HHAT: variants seen among roughly 807,000 people sequenced by gnomAD.
The protein encoded by HHAT is protein-cysteine N-palmitoyltransferase HHAT.
A neutral mutation model predicts 70.8 loss-of-function variants in HHAT; 47 were observed. That is an observed-to-expected ratio of 0.66 (90% CI 0.53 to 0.85). The LOEUF (loss-of-function observed/expected upper bound fraction) is 0.85. Among genes scored for constraint, HHAT ranks in the 40% least tolerant of loss-of-function variants. The pLI is 0.00. For missense variants in HHAT, 609 were observed against 604.8 expected (o/e 1.01, Z -0.07); for synonymous variants, 228 against 247.6 (o/e 0.92, Z 0.74).
At chr1:210,630,602 A>T (rs1670670607) in intron 11 of HHAT, among the ~76,000 whole-genome samples, 1 of 152,170 alleles carries the variant, frequency 6.6e-6, no homozygotes, top group South Asian at 2.1e-4. Flanking sequence ...ATTCTTTGGT[A>T]ACAGCCCCCT....
intron 8 of HHAT, among the ~76,000 whole-genome samples, chr1:210,506,453 G>A (rs2094856017): frequency 6.6e-6 from 1 of 152,180 alleles, no homozygotes; most frequent in South Asian, 2.1e-4. Context: ...TTGATGTGCA[G>A]ACAGCAAAAC....
intron 9 of HHAT, among the ~76,000 whole-genome samples, chr1:210,559,785 C>T (rs575870813): frequency 6.6e-6 from 1 of 151,740 alleles, no homozygotes; most frequent in African/African-American, 2.4e-5. Flanking sequence ...TTTTGACCAT[C>T]CAGTCATTGA....
At chr1:210,386,235 T>TTTTTC (rs779554462) in intron 3 of HHAT, among the ~76,000 whole-genome samples, 10,968 of 91,946 alleles carry the variant, frequency 0.12, 1,055 homozygotes, top group East Asian at 0.24. Flanking sequence ...TTTTTCTTTT[T>TTTTTC]TTTTTTTTTT....
chr1:210,657,620 C>G (rs562100584), intron 11 of HHAT, among the ~76,000 whole-genome samples: 4 of 152,230 alleles, frequency 2.6e-5, no homozygotes, highest in Non-Finnish European at 5.9e-5. Flanking sequence ...CCAACAACTG[C>G]TCTAGGAAAA....
intron 1 of HHAT, among the ~76,000 whole-genome samples, chr1:210,342,188 T>C (rs1221895146): frequency 6.6e-6 from 1 of 152,136 alleles, no homozygotes; most frequent in Non-Finnish European, 1.5e-5. Context: ...ATCATCAACC[T>C]CCCTGCCTCT....
chr1:210,480,643 C>T (rs2094381550), intron 8 of HHAT, among the ~76,000 whole-genome samples: 2 of 152,206 alleles, frequency 1.3e-5, no homozygotes, highest in African/African-American at 4.8e-5. Context: ...TGCTGTCTTG[C>T]ACTTTCCATC....
chr1:210,338,884 A>G (rs891128353), intron 1 of HHAT, among the ~76,000 whole-genome samples: 1 of 152,100 alleles, frequency 6.6e-6, no homozygotes, highest in Non-Finnish European at 1.5e-5. Context: ...TCAAGGAAAA[A>G]CACAACAATC....
At chr1:210,473,484 G>A (rs981000778) in intron 8 of HHAT, among the ~76,000 whole-genome samples, 2 of 152,042 alleles carry the variant, frequency 1.3e-5, no homozygotes, top group Non-Finnish European at 2.9e-5. Context: ...TTACAGCACC[G>A]AGGGGGACGG....
At chr1:210,506,712 A>G (rs2094861180) in intron 8 of HHAT, among the ~76,000 whole-genome samples, 1 of 152,214 alleles carries the variant, frequency 6.6e-6, no homozygotes, top group Non-Finnish European at 1.5e-5. Flanking sequence ...TACATAAAAT[A>G]ATCAGTGTAT....
upstream of HHAT, among the ~76,000 whole-genome samples, chr1:210,327,669 C>T (rs1296318544): frequency 1.3e-5 from 2 of 150,912 alleles, no homozygotes; most frequent in East Asian, 4.0e-4. Flanking sequence ...CCACACCCGG[C>T]TAATTTTTGT....
chr1:210,447,185 T>C (rs1020509523), intron 7 of HHAT, among the ~76,000 whole-genome samples: 2 of 152,212 alleles, frequency 1.3e-5, no homozygotes, highest in African/African-American at 2.4e-5. Context: ...AGTGTACTTA[T>C]CTGTAAAATA....
intron 8 of HHAT, among the ~76,000 whole-genome samples, chr1:210,481,737 CAAAT>C (rs1343476115): frequency 6.6e-6 from 1 of 152,126 alleles, no homozygotes; most frequent in African/African-American, 2.4e-5. Flanking sequence ...TTTAAGGTTA[CAAAT>C]AAATTTTAGT....
intron 10 of HHAT, among the ~76,000 whole-genome samples, chr1:210,593,808 CTAA>C (rs1662307082): frequency 1.3e-5 from 2 of 152,062 alleles, no homozygotes; most frequent in South Asian, 2.1e-4. Flanking sequence ...CTCTTTAGCT[CTAA>C]TAATATTTGC....
At chr1:210,672,902 A>C (rs917747253) in intron 11 of HHAT, among the ~76,000 whole-genome samples, 3 of 152,202 alleles carry the variant, frequency 2.0e-5, no homozygotes, top group African/African-American at 7.2e-5. Flanking sequence ...TATAATGCTT[A>C]ATCTACATTT....
At chr1:210,603,404 C>T (rs955236082) in intron 10 of HHAT, among the ~76,000 whole-genome samples, 29 of 151,928 alleles carry the variant, frequency 1.9e-4, no homozygotes, top group Admixed American at 1.6e-3. Context: ...AGTCTAGTGC[C>T]TAGCAGCTTT....
chr1:210,670,567 T>C (rs1021449405), intron 11 of HHAT, among the ~76,000 whole-genome samples: 1 of 152,182 alleles, frequency 6.6e-6, no homozygotes, highest in Admixed American at 6.5e-5. Context: ...GGAATTCACG[T>C]GGACCTGGTA....
At chr1:210,339,174 G>A (rs913270487) in intron 1 of HHAT, among the ~76,000 whole-genome samples, 13 of 152,178 alleles carry the variant, frequency 8.5e-5, no homozygotes, top group Admixed American at 8.5e-4. Flanking sequence ...AGACCAAAAG[G>A]CAATAGAGAC....
intron 9 of HHAT, among the ~76,000 whole-genome samples, chr1:210,520,136 C>T (rs2095132325): frequency 6.6e-6 from 1 of 152,134 alleles, no homozygotes; most frequent in African/African-American, 2.4e-5. Context: ...CTGCCTCAGC[C>T]TCCTGAGTAG....
intron 9 of HHAT, among the ~76,000 whole-genome samples, chr1:210,555,391 T>C (rs1330929255): frequency 2.6e-5 from 4 of 152,270 alleles, no homozygotes; most frequent in African/African-American, 7.2e-5. Flanking sequence ...TCGCCAGTGC[T>C]GGGGACAGGA....
Sources: gnomAD v4.1 joint callset for allele counts (sites outside exome capture counted in the v4.1 genomes callset) on GRCh38, gnomAD v4.1.1 for gene constraint, MANE v1.5 for transcripts, NCBI Gene and HGNC (gene_info 2026-07-23, HGNC 2026-07-21) for gene names.